Variants in SAMD4B observed in about 807,000 individuals in gnomAD.
SAMD4B encodes the protein protein Smaug homolog 2.
In SAMD4B, 5 loss-of-function variants were observed where a neutral mutation model predicts 74.5. The ratio of observed to expected loss-of-function variants is 0.07; its 90% CI spans 0.04 to 0.14. The LOEUF (loss-of-function observed/expected upper bound fraction) is 0.14, where lower values mean the gene tolerates loss of function less well. Among genes scored for constraint, SAMD4B ranks in the 10% least tolerant of loss-of-function variants. The pLI is 1.00. For synonymous variants in SAMD4B, 373 were observed against 374.9 expected (o/e 1.00, Z 0.06); for missense variants, 608 against 921.8 (o/e 0.66, Z 4.41).
At chr19:39,385,888 GGGGTGGGGAACAAACAAGTGA>G (rs1211674623), downstream of SAMD4B, 3 of 1,510,962 alleles carry the variant, frequency 2.0e-6, no homozygotes, top group African/African-American at 1.4e-5. Context: ...CAAAGGTTTG[GGGGTGGGGAACAAACAAGTGA>G]AAGGCTCACA....
intron 3 of SAMD4B, among the ~76,000 whole-genome samples, chr19:39,360,553 T>C (rs1168892388): frequency 1.3e-5 from 2 of 152,026 alleles, no homozygotes; most frequent in Non-Finnish European, 2.9e-5. Flanking sequence ...ATCACAGAGG[T>C]AAATTCTGGT....
chr19:39,385,901 A>C (rs769639551), downstream of SAMD4B: 25 of 1,550,810 alleles, frequency 1.6e-5, no homozygotes, highest in Non-Finnish European at 2.2e-5. Context: ...GTGGGGAACA[A>C]ACAAGTGAAA....
intron 3 of SAMD4B, among the ~76,000 whole-genome samples, chr19:39,364,356 G>A (rs767028668): frequency 9.2e-5 from 14 of 152,114 alleles, no homozygotes; most frequent in Admixed American, 4.6e-4. Flanking sequence ...AGGCTGACTC[G>A]ACTACTGGAG....
At chr19:39,365,788 C>T (rs1345953236) in intron 3 of SAMD4B, among the ~76,000 whole-genome samples, 1 of 152,166 alleles carries the variant, frequency 6.6e-6, no homozygotes, top group Admixed American at 6.5e-5. Context: ...ATGAAAGTGC[C>T]ATATGTTATT....
chr19:39,364,444 A>G (rs905195219), intron 3 of SAMD4B, among the ~76,000 whole-genome samples: 1 of 152,232 alleles, frequency 6.6e-6, no homozygotes, highest in Non-Finnish European at 1.5e-5. Flanking sequence ...CTTTTCATGC[A>G]TCATCTCCCT....
In SAMD4B at chr19:39,378,189, T is replaced by C. The variant is rs1399177574; in HGVS notation, c.1445-315T>C. Among the ~76,000 whole-genome samples, 1 of 152,146 alleles carries C rather than the reference T, an allele frequency of 6.6e-6. No individual in the cohort carries two copies. The highest frequency in any genetic ancestry group is 1.5e-5 in the Non-Finnish European group (1 of 68,022). On this transcript the variant is annotated intron_variant, in intron 8 of 13. Transcript: ENST00000610417. The surrounding 1 kb of genome is among the most constrained non-coding windows in gnomAD (Gnocchi z 4.4). ...GTGAAATTTATCACAGCTTCAGCCT[T>C]TCCTAAAGCAGCATGATACAGCAGA...
chr19:39,367,513 T>C lies in SAMD4B; in HGVS notation c.197-2142T>C, dbSNP rs972137947. ...AGGTTTTTTTTTTCTTTTTCTTTTT[T>C]TTTTTTTTTTTTTTGAGACGGAGTC... On this transcript the variant is annotated intron_variant, in intron 3 of 13. Transcript: ENST00000610417. Among the ~76,000 whole-genome samples the C allele has an allele frequency of 4.4e-4, 63 of 144,660 alleles. 1 individual carries two copies. Among genetic ancestry groups the C allele is most frequent in the African/African-American group, 7.5e-4 (29 of 38,656 alleles). The allele number at this position is 144,660 out of a possible 152,430, so 94.9% of individuals were successfully genotyped here.
At position 39,379,980 on chromosome 19, in the gene SAMD4B, G is replaced by T; in HGVS notation, c.1545G>T (p.Thr515=). 1 of 1,613,858 alleles carries T rather than the reference G, an allele frequency of 6.2e-7. No individual in the cohort carries two copies. The highest frequency in any genetic ancestry group is 8.5e-7 in the Non-Finnish European group (1 of 1,179,862). ...GCCAATTCTAGGCTTTCACGGAGAC[G>T]CAGAAGAAACGGCTGCTATCCTGGA... ...KCLTHEAFTE[T]QKKRLLSWKQ... is the part of the protein sequence containing the mutation. Residue 515 remains threonine (T), a synonymous_variant, in exon 10 of 14, where the codon ACG becomes ACT. Transcript: ENST00000610417.
At chr19:39,365,472 T>C (rs1026649568) in intron 3 of SAMD4B, among the ~76,000 whole-genome samples, 1 of 151,876 alleles carries the variant, frequency 6.6e-6, no homozygotes, top group African/African-American at 2.4e-5. Flanking sequence ...GGAGAATTGC[T>C]TGAATCCAGG....
intron 3 of SAMD4B, among the ~76,000 whole-genome samples, chr19:39,364,166 C>T (rs1482488464): frequency 6.6e-6 from 1 of 152,228 alleles, no homozygotes; most frequent in Non-Finnish European, 1.5e-5. Flanking sequence ...ACCCTTGGGG[C>T]TGTTCTGTCA....
At chr19:39,390,196 C>T (rs374317152), downstream of SAMD4B, 34 of 1,611,330 alleles carry the variant, frequency 2.1e-5, no homozygotes, top group Admixed American at 2.0e-4. Context: ...TGGGCCCCCG[C>T]TGCCCCACCT....
intron 4 of SAMD4B, 32 bp downstream of exon 4, chr19:39,370,157 C>T: frequency 6.5e-7 from 1 of 1,546,972 alleles, no homozygotes; most frequent in South Asian, 1.2e-5. Flanking sequence ...GAAGGCCATG[C>T]CTACTTGAAA....
At chr19:39,377,455 T>C in intron 7 of SAMD4B, 30 bp from the exon 8 acceptor site, 1 of 1,525,252 alleles carries the variant, frequency 6.6e-7, no homozygotes. Context: ...AGGGTCTGCA[T>C]GTGACCCCAG....
chr19:39,364,602 A>C (rs779383818), intron 3 of SAMD4B, among the ~76,000 whole-genome samples: 15 of 152,136 alleles, frequency 9.9e-5, no homozygotes, highest in Non-Finnish European at 2.2e-4. Context: ...CCTAATGGGA[A>C]TCACTGTCTT....
chr19:39,386,683 G>A, downstream of SAMD4B: 1 of 1,609,318 alleles, frequency 6.2e-7, no homozygotes, highest in Non-Finnish European at 8.5e-7. This position sits in a 1 kb window ranked among gnomAD's most constrained non-coding sequence, Gnocchi z 6.1. Context: ...TGAGCCAGTG[G>A]TGCTTGTTAC....
chr19:39,388,562 A>G, downstream of SAMD4B: 1 of 1,612,870 alleles, frequency 6.2e-7, no homozygotes, highest in African/African-American at 1.3e-5. Context: ...CCACGCACAC[A>G]TCATCTGGTG....
At chr19:39,376,586 C>T (rs371743749) in intron 6 of SAMD4B, 40 bp downstream of exon 6, 6 of 1,591,344 alleles carry the variant, frequency 3.8e-6, no homozygotes, top group East Asian at 4.5e-5. Flanking sequence ...CTGGGGGCAG[C>T]GCTAGTTTGG....
chr19:39,359,365 CAA>C (rs1242493601), intron 3 of SAMD4B, among the ~76,000 whole-genome samples: 8 of 152,200 alleles, frequency 5.3e-5, no homozygotes, highest in African/African-American at 1.9e-4. Context: ...TCAGATAGTA[CAA>C]AAGGTGAAAG....
At chr19:39,374,363 T>A (rs2077480572) in intron 4 of SAMD4B, among the ~76,000 whole-genome samples, 1 of 151,988 alleles carries the variant, frequency 6.6e-6, no homozygotes, top group South Asian at 2.1e-4. Flanking sequence ...TCACCCTGAG[T>A]CACCAGGCCT....
Sources: gnomAD v4.1 joint callset for allele counts (sites outside exome capture counted in the v4.1 genomes callset) on GRCh38, gnomAD v4.1.1 for gene constraint, Gnocchi (gnomAD v3.1) non-coding constraint, MANE v1.5 for transcripts, NCBI Gene and HGNC (gene_info 2026-07-23, HGNC 2026-07-21) for gene names.